Variants in LCOR observed in about 807,000 individuals in gnomAD.
LCOR encodes ligand dependent nuclear receptor corepressor.
LCOR carries 14 observed loss-of-function variants against 64.4 expected under a neutral mutation model. The observed-to-expected ratio is 0.22, with a 90% CI of 0.14 to 0.34. The LOEUF is 0.34. Among genes scored for constraint, LCOR ranks in the 10% least tolerant of loss-of-function variants. The pLI, the probability that LCOR is intolerant of heterozygous loss-of-function variation, is 1.00. For synonymous variants in LCOR, 643 were observed against 642.5 expected (o/e 1.00, Z -0.01); for missense variants, 1,686 against 1,765.3 (o/e 0.96, Z 0.80).
chr10:96,880,868 T>C (rs972368204), intron 2 of LCOR, among the ~76,000 whole-genome samples: 1 of 152,242 alleles, frequency 6.6e-6, no homozygotes. Flanking sequence ...TTTCTTATAT[T>C]GAACGTAGGT....
chr10:96,856,487 T>G (rs1489762281), intron 2 of LCOR, among the ~76,000 whole-genome samples: 1 of 148,890 alleles, frequency 6.7e-6, no homozygotes, highest in Non-Finnish European at 1.5e-5. Flanking sequence ...CTGCCTTCCT[T>G]CCTTTATTTC....
chr10:96,957,053 G>A (rs74689375), intron 7 of LCOR: 31,676 of 985,204 alleles, frequency 0.032, 598 homozygotes, highest in Non-Finnish European at 0.035. Flanking sequence ...AAGGTAACCC[G>A]ATATGATTTA....
intron 4 of LCOR, among the ~76,000 whole-genome samples, chr10:96,915,184 C>T (rs540331004): frequency 1.1e-3 from 163 of 152,114 alleles, no homozygotes; most frequent in Non-Finnish European, 2.1e-3. Context: ...CCAAAAACGA[C>T]AATGAAGTAT....
intron 4 of LCOR, among the ~76,000 whole-genome samples, chr10:96,912,566 T>G (rs1278282194): frequency 6.6e-6 from 1 of 151,106 alleles, no homozygotes; most frequent in Non-Finnish European, 1.5e-5. Flanking sequence ...TTAGTTAAGG[T>G]GCTGTCTGCC....
chr10:96,833,311 G>T, intron 1 of LCOR, 95 bp from the exon 2 acceptor site: 1 of 949,110 alleles, frequency 1.1e-6, no homozygotes, highest in South Asian at 4.9e-5. Flanking sequence ...TTCCCTGCGG[G>T]CCGGAGGGAG....
At position 96,944,101 on chromosome 10, in the gene LCOR, G is replaced by GT. The variant is rs1478246571; in HGVS notation, c.-183-11dup. ...GACGTGTGTGCAACTATTTCACCAA[G>GT]TATTTTTGCAGGGACACTTAGTCGG... On this transcript the variant is annotated splice_polypyrimidine_tract_variant and intron_variant, in intron 4 of 7. Coordinates refer to ENST00000421806, the MANE Select transcript of LCOR (RefSeq NM_001346516.2). 1 of 985,496 alleles carries GT rather than the reference G, an allele frequency of 1.0e-6. No individual in the cohort carries two copies. The highest frequency in any genetic ancestry group is 1.2e-6 in the Non-Finnish European group (1 of 829,902). The allele number at this position is 985,496 out of a possible 1,614,324, so 61.0% of individuals were successfully genotyped here. A position where few individuals can be genotyped will look rare whatever the true frequency, so the allele number is the denominator to read the frequency against.
intron 4 of LCOR, among the ~76,000 whole-genome samples, chr10:96,936,993 C>G (rs1847362286): frequency 6.6e-6 from 1 of 152,116 alleles, no homozygotes; most frequent in Non-Finnish European, 1.5e-5. Context: ...TTTTATTGTA[C>G]TATACCATGG....
intron 2 of LCOR, among the ~76,000 whole-genome samples, chr10:96,851,908 C>T (rs999956040): frequency 6.6e-6 from 1 of 152,092 alleles, no homozygotes; most frequent in Non-Finnish European, 1.5e-5. Context: ...AATGGTATGT[C>T]ATATTTTTTA....
At chr10:96,853,876 AGAAT>A (rs1313011553) in intron 2 of LCOR, among the ~76,000 whole-genome samples, 2 of 152,152 alleles carry the variant, frequency 1.3e-5, no homozygotes, top group Non-Finnish European at 2.9e-5. Context: ...AGCAGGAGAG[AGAAT>A]GAATGCAAGC....
At chr10:96,839,626 A>AT (rs879473170) in intron 2 of LCOR, among the ~76,000 whole-genome samples, 12 of 151,514 alleles carry the variant, frequency 7.9e-5, no homozygotes, top group South Asian at 4.2e-4. Flanking sequence ...TTAAGATTAC[A>AT]TTTTTTTTGT....
In LCOR at chr10:96,840,683, T is replaced by C. The variant is rs140238130; in HGVS notation, c.-330+7204T>C. On this transcript the variant is annotated intron_variant, in intron 2 of 7. Transcript: ENST00000421806. ...CAGGCATGAGCCACTGCTCCTGGTC[T>C]AGACCTGTCTAAAGGGACTTTTCTT... 4.1e-4 allele frequency among the ~76,000 whole-genome samples: 63 copies of C among 152,350 alleles called. No homozygotes were observed. The East Asian group carries it at 0.012, about 28-fold the overall frequency.
chr10:96,919,324 TTTTTC>T (rs1313829521), intron 4 of LCOR, among the ~76,000 whole-genome samples: 3 of 142,942 alleles, frequency 2.1e-5, no homozygotes, highest in African/African-American at 7.8e-5. Context: ...AGGTCTCACT[TTTTTC>T]TTTCCTTTCT....
intron 4 of LCOR, among the ~76,000 whole-genome samples, chr10:96,939,631 C>A (rs1847413093): frequency 6.6e-6 from 1 of 152,070 alleles, no homozygotes; most frequent in African/African-American, 2.4e-5. Flanking sequence ...AGAATTCTTA[C>A]AATGCAACAA....
At chr10:96,836,216 T>TA (rs1197138841) in intron 2 of LCOR, among the ~76,000 whole-genome samples, 1 of 152,192 alleles carries the variant, frequency 6.6e-6, no homozygotes, top group African/African-American at 2.4e-5. Context: ...TTTTTAGTCT[T>TA]ATGGTGCTAC....
At position 96,982,595 on chromosome 10, in the gene LCOR, T is replaced by G; in HGVS notation, c.2135T>G (p.Met712Arg). ...PQCSENQSSPMGLEPPMSLGK... is the reference protein window; with the variant it reads ...PQCSENQSSPRGLEPPMSLGK... The stretch of plus-strand genomic sequence containing the variant: ...TGCTCAGAAAATCAGAGTTCCCCAA[T>G]GGGCTTGGAGCCCCCCATGAGTCTG... Residue 712 changes from methionine to arginine, a missense_variant, in exon 8 of 8, where the codon ATG becomes AGG. Around this residue, in one of 3 missense-constraint regions of LCOR, gnomAD observed 1,293 missense variants for 1,410.4 expected, o/e 0.92. Coordinates refer to ENST00000421806, the MANE Select transcript of LCOR (RefSeq NM_001346516.2). 1 of 1,614,120 alleles carries G rather than the reference T, an allele frequency of 6.2e-7. No individual in the cohort carries two copies. The highest frequency in any genetic ancestry group is 1.3e-5 in the African/African-American group (1 of 75,054).
chr10:96,876,960 G>T (rs1425691182), intron 2 of LCOR, among the ~76,000 whole-genome samples: 2 of 152,134 alleles, frequency 1.3e-5, no homozygotes, highest in African/African-American at 4.8e-5. Flanking sequence ...CTCCCAAAGT[G>T]CAGGGATTAC....
intron 7 of LCOR, among the ~76,000 whole-genome samples, chr10:96,976,499 C>CT (rs1201368233): frequency 6.6e-6 from 1 of 152,152 alleles, no homozygotes; most frequent in African/African-American, 2.4e-5. Flanking sequence ...CTGTGGCTGT[C>CT]TAATGGGGAC....
chr10:96,841,626 G>GT (rs1845543273), intron 2 of LCOR, among the ~76,000 whole-genome samples: 2 of 152,056 alleles, frequency 1.3e-5, no homozygotes, highest in African/African-American at 4.8e-5. Flanking sequence ...CTCCCAAAGT[G>GT]TTGGGATTAC....
intron 7 of LCOR, among the ~76,000 whole-genome samples, chr10:96,967,200 G>A (rs111382946): frequency 0.023 from 3,470 of 152,152 alleles, 114 homozygotes; most frequent in African/African-American, 0.078. Flanking sequence ...TGCGATCTCG[G>A]CTCACTGTAA....
Sources: gnomAD v4.1 joint callset for allele counts (sites outside exome capture counted in the v4.1 genomes callset) on GRCh38, gnomAD v4.1.1 for gene constraint, gnomAD v4.1.1 regional missense constraint, MANE v1.5 for transcripts, NCBI Gene and HGNC (gene_info 2026-07-23, HGNC 2026-07-21) for gene names.